The following SUPT3H variants were observed in gnomAD, a reference collection of about 807,000 sequenced individuals.
SUPT3H encodes the protein transcription initiation protein SPT3 homolog.
Under a neutral mutation model 44.3 loss-of-function variants are expected in SUPT3H, and 44 were observed. The ratio of observed to expected loss-of-function variants is 0.99; its 90% CI spans 0.78 to 1.28. The LOEUF is 1.28. Among genes scored for constraint, SUPT3H ranks in the 50% most tolerant of loss-of-function variants. The pLI is 0.00. For missense variants in SUPT3H, 380 were observed against 387.1 expected (o/e 0.98, Z 0.15); for synonymous variants, 124 against 125.6 (o/e 0.99, Z 0.09).
chr6:44,958,011 G>T (rs1354325716), intron 7 of SUPT3H, among the ~76,000 whole-genome samples: 1 of 152,104 alleles, frequency 6.6e-6, no homozygotes, highest in Non-Finnish European at 1.5e-5. Flanking sequence ...AGTTAAGACA[G>T]TTTGTTTTCA....
chr6:45,342,185 A>T (rs913400892), intron 2 of SUPT3H, among the ~76,000 whole-genome samples: 24 of 152,174 alleles, frequency 1.6e-4, no homozygotes, highest in Non-Finnish European at 4.4e-5. Context: ...GGTTTTTATT[A>T]TAAATAGAAT....
At chr6:45,333,813 C>T (rs556036370) in intron 2 of SUPT3H, among the ~76,000 whole-genome samples, 3 of 151,244 alleles carry the variant, frequency 2.0e-5, no homozygotes, top group Admixed American at 2.0e-4. Context: ...CTTGTTAATA[C>T]TCATAAATCC....
chr6:45,033,062 C>T (rs1047284789), intron 3 of SUPT3H, among the ~76,000 whole-genome samples: 2 of 151,986 alleles, frequency 1.3e-5, no homozygotes, highest in Non-Finnish European at 2.9e-5. Flanking sequence ...GAAGATTGTA[C>T]TAACTCACCA....
intron 10 of SUPT3H, among the ~76,000 whole-genome samples, chr6:44,842,654 A>C (rs1455671168): frequency 6.6e-6 from 1 of 152,158 alleles, no homozygotes; most frequent in Non-Finnish European, 1.5e-5. Flanking sequence ...TAAAGATAAG[A>C]AAGATTATTT....
rs372143142 is a variant in SUPT3H at position 45,305,017 on chromosome 6, A to T, written c.101+60184T>A. Among the ~76,000 whole-genome samples, 7 of 152,302 alleles carry T rather than the reference A, an allele frequency of 4.6e-5. No homozygotes were observed. In the East Asian group the frequency reaches 1.2e-3, roughly 25 times the overall value. On this transcript the variant is annotated intron_variant, in intron 2 of 10. Coordinates refer to ENST00000371459, the MANE Select transcript of SUPT3H (RefSeq NM_003599.4). ...ATGTATCCAATAGGAATCACAGAGG[A>T]ATAGGCATTTTCTTCACGCTTTTAT...
rs1796491979 is a variant in SUPT3H, at chr6:45,374,376, G to C, written c.-1+3392C>G. 3.9e-5 allele frequency among the ~76,000 whole-genome samples: 6 copies of C among 152,110 alleles called. No individual in the cohort carries two copies. The South Asian group carries it at 1.2e-3, about 32-fold the overall frequency. On this transcript the variant is annotated intron_variant, in intron 1 of 10. Coordinates refer to ENST00000371459, the MANE Select transcript of SUPT3H (RefSeq NM_003599.4). ...TTTAAATTAACCTCTTATGAACCTA[G>C]AAGCAGATGCCATTACCATCTTCAT...
intron 2 of SUPT3H, among the ~76,000 whole-genome samples, chr6:45,267,390 T>C (rs1204991334): frequency 6.6e-6 from 1 of 152,228 alleles, no homozygotes; most frequent in African/African-American, 2.4e-5. Context: ...TATTCATACA[T>C]AAAAATATGC....
intron 3 of SUPT3H, among the ~76,000 whole-genome samples, chr6:45,052,962 AAG>A (rs764031846): frequency 3.9e-5 from 6 of 152,084 alleles, no homozygotes; most frequent in African/African-American, 1.4e-4. Flanking sequence ...GAAGAGGGAG[AAG>A]AGAGAGGAAG....
At chr6:44,888,588 A>G (rs1203320716) in intron 10 of SUPT3H, among the ~76,000 whole-genome samples, 1 of 152,220 alleles carries the variant, frequency 6.6e-6, no homozygotes, top group African/African-American at 2.4e-5. Flanking sequence ...AAAACTCTCA[A>G]TAAATTAGGT....
chr6:45,020,418 G>T (rs1784960395), intron 4 of SUPT3H, 128 bp downstream of exon 4: 4 of 638,292 alleles, frequency 6.3e-6, no homozygotes, highest in Admixed American at 3.4e-5. Context: ...AAACCATGAA[G>T]ACTAAAACAT....
At chr6:45,175,331 G>C (rs116240337) in intron 2 of SUPT3H, among the ~76,000 whole-genome samples, 1 of 152,104 alleles carries the variant, frequency 6.6e-6, no homozygotes, top group African/African-American at 2.4e-5. Flanking sequence ...GGCTGGGGAG[G>C]CCGCAGGAAA....
chr6:45,082,448 C>T (rs1486706564), intron 3 of SUPT3H, among the ~76,000 whole-genome samples: 1 of 152,020 alleles, frequency 6.6e-6, no homozygotes, highest in African/African-American at 2.4e-5. Flanking sequence ...GTTAACTGAC[C>T]ACGATCAATT....
At position 45,286,143 on chromosome 6, in the gene SUPT3H, C is replaced by T. The variant is rs545765037; in HGVS notation, c.101+79058G>A. ...TGTTAGCCCTAAAACCATAAAAACC[C>T]TAGAAGAAAACCTAGGCAATACCAT... On this transcript the variant is annotated intron_variant, in intron 2 of 10. Transcript: ENST00000371459. Among the ~76,000 whole-genome samples the T allele has an allele frequency of 1.7e-3, 263 of 151,680 alleles. 2 individuals carry two copies. The highest frequency in any genetic ancestry group is 6.2e-3 in the African/African-American group (257 of 41,280).
intron 2 of SUPT3H, among the ~76,000 whole-genome samples, chr6:45,323,212 C>CT (rs1446381349): frequency 1.3e-5 from 2 of 152,094 alleles, no homozygotes; most frequent in East Asian, 1.9e-4. Context: ...TTCAAAAACT[C>CT]TATTATGTTC....
At chr6:45,215,371 G>T (rs2153632616) in intron 2 of SUPT3H, among the ~76,000 whole-genome samples, 1 of 152,146 alleles carries the variant, frequency 6.6e-6, no homozygotes, top group Admixed American at 6.5e-5. Flanking sequence ...TGATATGCCT[G>T]AAAAAGAATT....
At chr6:45,221,372 T>C (rs978794271) in intron 2 of SUPT3H, among the ~76,000 whole-genome samples, 2 of 151,846 alleles carry the variant, frequency 1.3e-5, no homozygotes, top group African/African-American at 2.4e-5. Flanking sequence ...AAGTATAATA[T>C]AAAATATAAT....
chr6:45,225,087 T>C (rs1766708319), intron 2 of SUPT3H, among the ~76,000 whole-genome samples: 1 of 151,900 alleles, frequency 6.6e-6, no homozygotes, highest in Admixed American at 6.6e-5. Context: ...AAGACAAACC[T>C]GACCAACATG....
intron 6 of SUPT3H, among the ~76,000 whole-genome samples, chr6:44,966,978 C>T (rs1343633841): frequency 6.6e-6 from 1 of 152,156 alleles, no homozygotes; most frequent in African/African-American, 2.4e-5. Flanking sequence ...TCCAGTATGT[C>T]TTCTGCTTAA....
intron 2 of SUPT3H, among the ~76,000 whole-genome samples, chr6:45,343,788 T>C (rs1790306835): frequency 6.6e-6 from 1 of 152,160 alleles, no homozygotes; most frequent in African/African-American, 2.4e-5. Flanking sequence ...CACAGAAGTT[T>C]GTGAGGCATG....
Sources: gnomAD v4.1 joint callset for allele counts (sites outside exome capture counted in the v4.1 genomes callset) on GRCh38, gnomAD v4.1.1 for gene constraint, MANE v1.5 for transcripts, NCBI Gene and HGNC (gene_info 2026-07-23, HGNC 2026-07-21) for gene names.